The following RFX6 variants were observed in gnomAD, a reference collection of about 807,000 sequenced individuals.
RFX6 encodes DNA-binding protein RFX6.
RFX6 carries 50 observed loss-of-function variants against 110.8 expected under a neutral mutation model. The observed-to-expected ratio is 0.45, with a 90% confidence interval of 0.36 to 0.57. The LOEUF (loss-of-function observed/expected upper bound fraction) is 0.57. Ranked by LOEUF, RFX6 falls within the 20% of genes least tolerant of loss-of-function variation. The pLI, the probability that RFX6 is intolerant of heterozygous loss-of-function variation, is 0.00. For synonymous variants in RFX6, 383 were observed against 411.2 expected (o/e 0.93, Z 0.83); for missense variants, 990 against 1,127.0 (o/e 0.88, Z 1.74).
At position 116,895,214 on chromosome 6, in the gene RFX6, A is replaced by C. The variant is rs1562136645; in HGVS notation, c.672+7A>C. The C allele has an allele frequency of 1.4e-6, 2 of 1,424,256 alleles. No homozygotes were observed. The highest frequency in any genetic ancestry group is 2.0e-6 in the Non-Finnish European group (2 of 1,008,908). The allele number at this position is 1,424,256 out of a possible 1,614,324, so 88.2% of individuals were successfully genotyped here. On this transcript the variant is annotated splice_region_variant and intron_variant, in intron 6 of 18. Coordinates refer to ENST00000332958, the MANE Select transcript of RFX6 (RefSeq NM_173560.4). ...AAGCAAGCTAAAGAATGAGGTAAGA[A>C]TTATTTTCATCTCTATTTTACATCT...
intron 16 of RFX6, 113 bp downstream of exon 16, chr6:116,925,772 A>G (rs1775711390): frequency 1.4e-6 from 1 of 734,980 alleles, no homozygotes; most frequent in African/African-American, 1.8e-5. Context: ...AAAAAGGATG[A>G]TCTTAACTGA....
intron 4 of RFX6, among the ~76,000 whole-genome samples, chr6:116,888,861 C>G (rs949653318): frequency 6.6e-6 from 1 of 152,074 alleles, no homozygotes; most frequent in African/African-American, 2.4e-5. Context: ...TTTATGTACA[C>G]TTTGCATGAA....
intron 16 of RFX6, 123 bp downstream of exon 16, chr6:116,925,782 A>C: frequency 2.8e-6 from 2 of 706,082 alleles, no homozygotes; most frequent in Non-Finnish European, 4.9e-6. Context: ...ATCTTAACTG[A>C]GTTTTAATAA....
chr6:116,881,241 TAG>T (rs1386143029), intron 3 of RFX6, among the ~76,000 whole-genome samples: 1 of 152,154 alleles, frequency 6.6e-6, no homozygotes, highest in African/African-American at 2.4e-5. Flanking sequence ...TGCTTATATA[TAG>T]AGAGAGAGAC....
intron 5 of RFX6, 101 bp downstream of exon 5, chr6:116,894,165 T>G (rs1408875766): frequency 6.4e-6 from 5 of 781,738 alleles, no homozygotes; most frequent in Non-Finnish European, 1.2e-5. Flanking sequence ...ATCAAGATGT[T>G]TCCATTTAAG....
intron 1 of RFX6, 39 bp downstream of exon 1, chr6:116,877,537 G>T (rs1293575727): frequency 6.8e-7 from 1 of 1,468,986 alleles, no homozygotes; most frequent in Non-Finnish European, 9.2e-7. Flanking sequence ...GAAGGGGACG[G>T]GGACGTATTC....
chr6:116,899,534 A>C (rs1195963963), intron 6 of RFX6, among the ~76,000 whole-genome samples: 1 of 152,126 alleles, frequency 6.6e-6, no homozygotes, highest in Non-Finnish European at 1.5e-5. Flanking sequence ...GTTTTAGTGT[A>C]TGACCAAACA....
chr6:116,928,947 G>C lies in RFX6; in HGVS notation c.2587G>C (p.Val863Leu). ...SSFYTDTSSP[V>L]ACRTPVLASS... ...GTTTTACACAGACACATCATCTCCA[G>C]TTGCATGTCGAACTCCAGTCCTAGG... is the stretch of plus-strand genomic sequence containing the variant. Residue 863 changes from valine (V) to leucine (L), a missense_variant, in exon 18 of 19, where the codon GTT becomes CTT. Transcript: ENST00000332958. 1 of 1,611,266 alleles carries C rather than the reference G, an allele frequency of 6.2e-7. No homozygotes were observed. The highest frequency in any genetic ancestry group is 1.1e-5 in the South Asian group (1 of 91,038).
intron 12 of RFX6, 97 bp downstream of exon 12, chr6:116,920,551 C>A: frequency 9.7e-7 from 1 of 1,027,240 alleles, no homozygotes; most frequent in Non-Finnish European, 1.5e-6. Flanking sequence ...GTCCAGTGTG[C>A]TGTAGGATGT....
chr6:116,899,622 T>G (rs990283233), intron 6 of RFX6, among the ~76,000 whole-genome samples: 11 of 152,128 alleles, frequency 7.2e-5, no homozygotes, highest in Non-Finnish European at 1.6e-4. Context: ...ATAAATAAAA[T>G]TATTCAGGAG....
intron 5 of RFX6, 142 bp from the exon 6 acceptor site, chr6:116,895,037 AT>A: frequency 1.8e-6 from 1 of 542,876 alleles, no homozygotes; most frequent in South Asian, 2.5e-5. Context: ...AAGATGCTTG[AT>A]TTCTTTAAAA....
At chr6:116,923,548 A>G in intron 14 of RFX6, 2 of 318,440 alleles carry the variant, frequency 6.3e-6, no homozygotes, top group Non-Finnish European at 1.2e-5. Context: ...GAAATGCTTA[A>G]TGCATAGCAG....
chr6:116,907,130 T>G (rs1775222007), intron 6 of RFX6, among the ~76,000 whole-genome samples: 1 of 151,918 alleles, frequency 6.6e-6, no homozygotes, highest in Non-Finnish European at 1.5e-5. Flanking sequence ...GATTATCATT[T>G]TTTTATTCCA....
chr6:116,896,817 A>G (rs2114675222), intron 6 of RFX6, among the ~76,000 whole-genome samples: 1 of 152,316 alleles, frequency 6.6e-6, no homozygotes, highest in South Asian at 2.1e-4. Context: ...CATAACTGTG[A>G]GGTATGGTGT....
chr6:116,914,954 A>C (rs1488454973), intron 7 of RFX6, among the ~76,000 whole-genome samples: 1 of 152,220 alleles, frequency 6.6e-6, no homozygotes, highest in East Asian at 1.9e-4. Flanking sequence ...TAGTGTGCCT[A>C]ATGTTACATA....
At chr6:116,902,289 A>G (rs1329269465) in intron 6 of RFX6, among the ~76,000 whole-genome samples, 1 of 152,048 alleles carries the variant, frequency 6.6e-6, no homozygotes, top group Admixed American at 6.6e-5. Flanking sequence ...CTTAATCAGG[A>G]TGGTAAGTGG....
intron 2 of RFX6, among the ~76,000 whole-genome samples, chr6:116,879,022 G>A (rs1195578169): frequency 1.3e-5 from 2 of 151,812 alleles, no homozygotes; most frequent in Admixed American, 1.3e-4. Context: ...AAATATCTGG[G>A]ATATTTAGGA....
intron 10 of RFX6, among the ~76,000 whole-genome samples, chr6:116,918,839 T>C (rs1320605707): frequency 6.6e-6 from 1 of 152,116 alleles, no homozygotes; most frequent in East Asian, 1.9e-4. Flanking sequence ...TTGTAGTCTT[T>C]AAATATCTAT....
intron 7 of RFX6, among the ~76,000 whole-genome samples, chr6:116,915,414 T>C (rs1484552928): frequency 6.6e-6 from 1 of 152,152 alleles, no homozygotes; most frequent in Admixed American, 6.6e-5. Context: ...ATGTAAGTAA[T>C]ATGTTATTAC....
Sources: allele counts gnomAD v4.1 joint callset (sites outside exome capture counted in the v4.1 genomes callset), GRCh38; gene constraint gnomAD v4.1.1; transcripts MANE v1.5; gene names NCBI Gene and HGNC (gene_info 2026-07-23, HGNC 2026-07-21).